The following EPB41L4A variants were observed in gnomAD, a reference collection of about 807,000 sequenced individuals.
EPB41L4A encodes the protein erythrocyte membrane protein band 4.1 like 4A, also known as band 4.1-like protein 4A.
A neutral mutation model predicts 108.6 loss-of-function variants in EPB41L4A; 100 were observed. The ratio of observed to expected loss-of-function variants is 0.92; its 90% CI spans 0.78 to 1.09. The LOEUF (loss-of-function observed/expected upper bound fraction) is 1.09, where lower values mean the gene tolerates loss of function less well. Ranked by LOEUF, EPB41L4A falls within the 50% of genes least tolerant of loss-of-function variation. The pLI, the probability that EPB41L4A is intolerant of heterozygous loss-of-function variation, is 0.00. For synonymous variants in EPB41L4A, 319 were observed against 289.0 expected (o/e 1.10, Z -1.05); for missense variants, 1,030 against 842.7 (o/e 1.22, Z -2.75).
intron 1 of EPB41L4A, among the ~76,000 whole-genome samples, chr5:112,339,474 CTATATATATA>C (rs56972746): frequency 0.12 from 14,211 of 115,524 alleles, 926 homozygotes; most frequent in Non-Finnish European, 0.16. Context: ...ATATATATAT[CTATATATATA>C]TATATATATA....
At chr5:112,411,137 A>C (rs1274700868) in intron 1 of EPB41L4A, among the ~76,000 whole-genome samples, 1 of 152,200 alleles carries the variant, frequency 6.6e-6, no homozygotes, top group Admixed American at 6.5e-5. Flanking sequence ...AAGCACAGGA[A>C]GATAAGCAGG....
chr5:112,156,105 CATA>C (rs1638643640), intron 12 of EPB41L4A, among the ~76,000 whole-genome samples: 2 of 151,700 alleles, frequency 1.3e-5, no homozygotes, highest in African/African-American at 4.8e-5. Flanking sequence ...TGCAATTCAC[CATA>C]ATAACAAAAA....
At chr5:112,142,207 C>T (rs373225056), downstream of EPB41L4A, among the ~76,000 whole-genome samples, 22 of 152,322 alleles carry the variant, frequency 1.4e-4, no homozygotes, top group South Asian at 1.7e-3. Flanking sequence ...CACTACTCCT[C>T]TCCTTCGAAT....
At chr5:112,267,891 C>A (rs561620296) in intron 4 of EPB41L4A, among the ~76,000 whole-genome samples, 1 of 152,326 alleles carries the variant, frequency 6.6e-6, no homozygotes, top group African/African-American at 2.4e-5. Flanking sequence ...CTGCTTACTT[C>A]TTGGGTCACT....
At chr5:112,252,588 A>G (rs138967061) in intron 9 of EPB41L4A, among the ~76,000 whole-genome samples, 17 of 152,320 alleles carry the variant, frequency 1.1e-4, no homozygotes, top group African/African-American at 3.8e-4. Flanking sequence ...TGTGTGAACT[A>G]ATGCAAGAAC....
intron 1 of EPB41L4A, among the ~76,000 whole-genome samples, chr5:112,375,384 AC>A (rs1717835418): frequency 6.6e-6 from 1 of 151,746 alleles, no homozygotes; most frequent in African/African-American, 2.4e-5. Context: ...AAAAAAAGCT[AC>A]CTAAAACAGA....
chr5:112,183,963 T>C (rs1432775294), intron 18 of EPB41L4A, 53 bp downstream of exon 18: 9 of 1,608,390 alleles, frequency 5.6e-6, no homozygotes, highest in Non-Finnish European at 7.7e-6. Flanking sequence ...AATATCCACA[T>C]GCTACTTCAA....
intron 2 of EPB41L4A, among the ~76,000 whole-genome samples, chr5:112,301,224 T>C (rs1219622130): frequency 1.3e-5 from 2 of 152,152 alleles, no homozygotes; most frequent in Non-Finnish European, 2.9e-5. Context: ...TTGAAGAACA[T>C]TCTTTTATCA....
intron 13 of EPB41L4A, among the ~76,000 whole-genome samples, chr5:112,208,433 G>A (rs751815463): frequency 2.0e-5 from 3 of 151,938 alleles, no homozygotes; most frequent in East Asian, 1.9e-4. Context: ...GCGGCAACAC[G>A]GACGCAACTG....
intron 12 of EPB41L4A, among the ~76,000 whole-genome samples, chr5:112,152,252 G>C (rs1291031845): frequency 6.6e-6 from 1 of 151,790 alleles, no homozygotes; most frequent in Non-Finnish European, 1.5e-5. Flanking sequence ...TAAAATGGTA[G>C]AAATTAAAAC....
exon 14 of EPB41L4A, chr5:112,143,773 T>C: frequency 2.4e-6 from 1 of 409,286 alleles, no homozygotes; most frequent in South Asian, 1.7e-5. Flanking sequence ...CCAGCTTGAG[T>C]CACGTGTTAA....
intron 9 of EPB41L4A, 107 bp downstream of exon 9, chr5:112,259,122 C>T (rs2150435370): frequency 2.4e-6 from 2 of 843,042 alleles, no homozygotes; most frequent in Non-Finnish European, 3.9e-6. Context: ...AACCTGGTTC[C>T]ATGTGGAAGC....
chr5:112,416,794 T>A (rs1008490542), intron 1 of EPB41L4A, among the ~76,000 whole-genome samples: 1 of 152,220 alleles, frequency 6.6e-6, no homozygotes, highest in African/African-American at 2.4e-5. Flanking sequence ...GTACAGAACA[T>A]AAACATGTTC....
At chr5:112,357,717 T>A (rs1758452813) in intron 1 of EPB41L4A, among the ~76,000 whole-genome samples, 1 of 152,172 alleles carries the variant, frequency 6.6e-6, no homozygotes, top group African/African-American at 2.4e-5. Flanking sequence ...TTACACTGAA[T>A]CATGGGGTAA....
At chr5:112,416,170 T>C (rs1489893079) in intron 1 of EPB41L4A, among the ~76,000 whole-genome samples, 1 of 152,192 alleles carries the variant, frequency 6.6e-6, no homozygotes, top group East Asian at 1.9e-4. Flanking sequence ...TGAAGAAAAA[T>C]CACTTCAAAA....
At chr5:112,331,019 G>A (rs1756527373) in intron 1 of EPB41L4A, among the ~76,000 whole-genome samples, 1 of 152,236 alleles carries the variant, frequency 6.6e-6, no homozygotes, top group African/African-American at 2.4e-5. Flanking sequence ...AATATGTGAA[G>A]GAGCTACCTT....
At chr5:112,246,195 CT>C (rs1037210317) in intron 9 of EPB41L4A, among the ~76,000 whole-genome samples, 2 of 151,974 alleles carry the variant, frequency 1.3e-5, no homozygotes, top group Non-Finnish European at 2.9e-5. Context: ...TTTTAGTTTT[CT>C]TTTTTTAAAT....
intron 15 of EPB41L4A, 40 bp from the exon 16 acceptor site, chr5:112,195,748 T>G (rs1454395239): frequency 6.4e-7 from 1 of 1,573,988 alleles, no homozygotes; most frequent in South Asian, 1.1e-5. Context: ...AACAGGAGAT[T>G]ATCAATTGGC....
chr5:112,233,444 A>G (rs781456048), intron 12 of EPB41L4A, among the ~76,000 whole-genome samples: 15 of 152,230 alleles, frequency 9.9e-5, no homozygotes, highest in Admixed American at 3.3e-4. Context: ...TATGTCCATA[A>G]GTATGGATAT....
Sources: allele counts gnomAD v4.1 joint callset (sites outside exome capture counted in the v4.1 genomes callset), GRCh38; gene constraint gnomAD v4.1.1; transcripts MANE v1.5; gene names NCBI Gene and HGNC (gene_info 2026-07-23, HGNC 2026-07-21).